SEMA3C: variants seen among roughly 807,000 people sequenced by gnomAD.
SEMA3C encodes semaphorin-3C.
A neutral mutation model predicts 89.4 loss-of-function variants in SEMA3C; 47 were observed. That is an observed-to-expected ratio of 0.53 (90% CI 0.42 to 0.67). SEMA3C has a LOEUF of 0.67. SEMA3C is among the 30% of genes least tolerant of loss of function. SEMA3C has a pLI of 0.00. For missense variants in SEMA3C, 839 were observed against 929.1 expected (o/e 0.90, Z 1.26); for synonymous variants, 310 against 320.2 (o/e 0.97, Z 0.34).
intron 2 of SEMA3C, among the ~76,000 whole-genome samples, chr7:80,906,183 A>G (rs1007162282): frequency 6.6e-6 from 1 of 152,218 alleles, no homozygotes; most frequent in Non-Finnish European, 1.5e-5. Context: ...ATACGTATGT[A>G]TCTTGAAAAA....
At chr7:80,881,594 T>C (rs749544377) in intron 2 of SEMA3C, among the ~76,000 whole-genome samples, 2 of 152,212 alleles carry the variant, frequency 1.3e-5, no homozygotes, top group Non-Finnish European at 2.9e-5. Flanking sequence ...CCAGAGCTTA[T>C]CTTTTGTAAT....
In SEMA3C at chr7:80,802,592, T is replaced by A. The variant is rs929576477; in HGVS notation, c.916+73A>T. On this transcript the variant is annotated intron_variant, in intron 9 of 17. Transcript: ENST00000265361. ...AAAATATGGAAAGTACATCTTCTTTTGAGACCTTATTTAAATATATAAACT... is the reference window on the plus strand; with the variant it reads ...AAAATATGGAAAGTACATCTTCTTTAGAGACCTTATTTAAATATATAAACT... 9.9e-6 allele frequency: 9 copies of A among 905,856 alleles called. No individual in the cohort carries two copies. The African/African-American group carries it at 1.2e-4, about 12-fold the overall frequency. 56.1% of individuals were successfully genotyped at this position (905,856 alleles called of 1,614,324 possible).
Position 80,765,175 on chromosome 7 carries a change from C to T in SEMA3C, c.1423G>A (p.Glu475Lys), listed in dbSNP as rs1386511506. ...CAAACCTTAAAGACTTCCAGCTCCTCCAGAATGAGCTCGCCACTGACAGAG... is the reference window on the plus strand; with the variant it reads ...CAAACCTTAAAGACTTCCAGCTCCTTCAGAATGAGCTCGCCACTGACAGAG... ...NNSVSGELIL[E>K]ELEVFKNHAP... Residue 475 changes from glutamate to lysine, a missense_variant, in exon 13 of 18, where the codon GAG (glutamate) becomes AAG (lysine). Coordinates refer to ENST00000265361, the MANE Select transcript of SEMA3C (RefSeq NM_006379.5). The T allele has an allele frequency of 1.2e-6, 2 of 1,613,222 alleles. No homozygotes were observed. Among genetic ancestry groups the T allele is most frequent in the African/African-American group, 1.3e-5 (1 of 74,844 alleles).
At chr7:80,778,685 CT>C (rs201817572) in intron 12 of SEMA3C, among the ~76,000 whole-genome samples, 2,606 of 152,280 alleles carry the variant, frequency 0.017, 66 homozygotes, top group Admixed American at 0.069. Context: ...TGTCTCAGGT[CT>C]TTCCATCTGG....
At position 80,890,848 on chromosome 7, in the gene SEMA3C, C is replaced by T. The variant is rs367858634; in HGVS notation, c.103+25831G>A. 2.6e-3 allele frequency among the ~76,000 whole-genome samples: 394 copies of T among 152,304 alleles called. 1 individual carries two copies. The highest frequency in any genetic ancestry group is 8.8e-3 in the African/African-American group (367 of 41,566). On this transcript the variant is annotated intron_variant, in intron 2 of 17. Coordinates refer to ENST00000265361, the MANE Select transcript of SEMA3C (RefSeq NM_006379.5). ...CTTAAACTGATGCATCATCTGGCTA[C>T]AAAGCCAGTAATTTATGATCTTTGT... is the stretch of plus-strand genomic sequence containing the variant.
chr7:80,920,857 T>C (rs1792395612), upstream of SEMA3C, among the ~76,000 whole-genome samples: 1 of 152,242 alleles, frequency 6.6e-6, no homozygotes. Context: ...CCAGGTTATA[T>C]ACTCTCCACT....
intron 2 of SEMA3C, among the ~76,000 whole-genome samples, chr7:80,898,634 T>G (rs1166101770): frequency 6.6e-6 from 1 of 152,110 alleles, no homozygotes; most frequent in African/African-American, 2.4e-5. Context: ...GAATCAGGCT[T>G]CCATAATCAC....
At chr7:80,754,957 G>GTTTTTTTTTTGTTTTTTGTTT (rs1449995090) in intron 15 of SEMA3C, among the ~76,000 whole-genome samples, 1 of 108,368 alleles carries the variant, frequency 9.2e-6, no homozygotes, top group Non-Finnish European at 1.9e-5. Context: ...GTTTTTTTTT[G>GTTTTTTTTTTGTTTTTTGTTT]TTTTTTTTTT....
chr7:80,912,825 CA>C (rs529060635), intron 2 of SEMA3C, among the ~76,000 whole-genome samples: 161 of 152,256 alleles, frequency 1.1e-3, no homozygotes, highest in African/African-American at 3.6e-3. Context: ...GCAACCACAA[CA>C]AAAACTATTT....
At chr7:80,792,043 G>A (rs1332286286) in intron 11 of SEMA3C, among the ~76,000 whole-genome samples, 1 of 152,162 alleles carries the variant, frequency 6.6e-6, no homozygotes, top group Admixed American at 6.5e-5. Flanking sequence ...AAGAGTAGCA[G>A]TAATGAGACA....
At position 80,916,717 on chromosome 7, in the gene SEMA3C, G is replaced by T; in HGVS notation, c.65C>A (p.Ser22Tyr). The T allele has an allele frequency of 6.2e-7, 1 of 1,613,668 alleles. No individual in the cohort carries two copies. The highest frequency in any genetic ancestry group is 8.5e-7 in the Non-Finnish European group (1 of 1,179,796). The change falls in exon 2 of 18, where the codon TCT becomes TAT. Residue 22 changes from serine to tyrosine, a missense_variant. Ser to Tyr is a moderately radical substitution (Grantham distance 144). Transcript: ENST00000265361. ...VFICSICVKGSSQPQARVYLT... is the reference protein window; with the variant it reads ...VFICSICVKGYSQPQARVYLT... ...ATAAACTCTTGCTTGGGGCTGGGAAGATCCTTTCACACAGATAGAACAAAT... is the reference window on the plus strand; with the variant it reads ...ATAAACTCTTGCTTGGGGCTGGGAATATCCTTTCACACAGATAGAACAAAT...
upstream of SEMA3C, chr7:80,919,134 G>A: frequency 3.0e-6 from 3 of 984,666 alleles, no homozygotes; most frequent in Non-Finnish European, 3.6e-6. Context: ...GGCTGCCCCG[G>A]CGCGCCGCCC....
chr7:80,902,961 C>T (rs777086239), intron 2 of SEMA3C, among the ~76,000 whole-genome samples: 3 of 152,124 alleles, frequency 2.0e-5, no homozygotes, highest in African/African-American at 7.2e-5. Context: ...AGCATAAGCC[C>T]GCTGAATTAC....
At chr7:80,759,832 A>G (rs3807096) in intron 14 of SEMA3C, among the ~76,000 whole-genome samples, 16,825 of 152,236 alleles carry the variant, frequency 0.11, 981 homozygotes, top group Admixed American at 0.15. Flanking sequence ...TTTTCACAAT[A>G]ACCATTTGTC....
chr7:80,763,994 T>C (rs868376190), intron 13 of SEMA3C, among the ~76,000 whole-genome samples: 2 of 152,196 alleles, frequency 1.3e-5, no homozygotes, highest in African/African-American at 2.4e-5. Flanking sequence ...TTTAATAATA[T>C]AGTAGGAAAC....
In SEMA3C at chr7:80,742,957, T is replaced by C. The variant is rs563395055; in HGVS notation, c.*1937A>G. 110 of 152,062 alleles carry C rather than the reference T, an allele frequency of 7.2e-4. 1 individual carries two copies. The highest frequency in any genetic ancestry group is 2.5e-3 in the African/African-American group (103 of 41,562). The allele number at this position is 152,062 out of a possible 1,614,324, so 9.4% of individuals were successfully genotyped here. ...AGAATTAAATAGCACAAATATAGTA[T>C]AAAACTAAACACCGTTACTGTCTAT... On this transcript the variant is annotated 3_prime_UTR_variant, in exon 18 of 18. Transcript: ENST00000265361.
chr7:80,882,518 T>C (rs897992641), intron 2 of SEMA3C, among the ~76,000 whole-genome samples: 1 of 143,730 alleles, frequency 7.0e-6, no homozygotes, highest in African/African-American at 2.6e-5. Flanking sequence ...AGCTACCTCA[T>C]AGAGCTCATG....
intron 15 of SEMA3C, among the ~76,000 whole-genome samples, chr7:80,752,357 A>T (rs1447068810): frequency 3.9e-5 from 6 of 152,122 alleles, no homozygotes. Flanking sequence ...CACGCCTGTA[A>T]TCCCAGCACT....
intron 12 of SEMA3C, among the ~76,000 whole-genome samples, chr7:80,786,644 C>A (rs114914971): frequency 6.6e-6 from 1 of 152,328 alleles, no homozygotes; most frequent in African/African-American, 2.4e-5. Flanking sequence ...AAGGCTGTAT[C>A]TGTAGAGAAC....
Sources: allele counts gnomAD v4.1 joint callset (sites outside exome capture counted in the v4.1 genomes callset), GRCh38; gene constraint gnomAD v4.1.1; transcripts MANE v1.5; gene names NCBI Gene and HGNC (gene_info 2026-07-23, HGNC 2026-07-21).